BMP1: variants seen among roughly 807,000 people sequenced by gnomAD.
The protein encoded by BMP1 is mammalian tolloid protein.
BMP1 carries 63 observed loss-of-function variants against 116.8 expected under a neutral mutation model. The observed-to-expected ratio is 0.54, with a 90% CI of 0.44 to 0.67. The LOEUF is 0.67. Ranked by LOEUF, BMP1 falls within the 30% of genes least tolerant of loss-of-function variation. The pLI is 0.00. For synonymous variants in BMP1, 536 were observed against 533.4 expected (o/e 1.00, Z -0.07); for missense variants, 1,183 against 1,358.9 (o/e 0.87, Z 2.04).
rs191570531 is a variant in BMP1 at position 22,203,293 on chromosome 8, C to T, written c.2233+1365C>T. Among the ~76,000 whole-genome samples the T allele has an allele frequency of 8.5e-5, 13 of 152,224 alleles. No homozygotes were observed. The East Asian group carries it at 2.5e-3, about 29-fold the overall frequency. On this transcript the variant is annotated intron_variant, in intron 16 of 19. Transcript: ENST00000306385. ...ATGATAGGCCAGGTGCAGTGGCTCA[C>T]GCCTGTAATCCCAGTACTTTGGGAG...
chr8:22,192,301 G>A, intron 9 of BMP1, 150 bp downstream of exon 9: 2 of 630,174 alleles, frequency 3.2e-6, no homozygotes, highest in South Asian at 1.9e-5. Context: ...ATTAGTCCCA[G>A]ATAGCTGCAT....
intron 8 of BMP1, among the ~76,000 whole-genome samples, chr8:22,185,808 G>A (rs1353242784): frequency 6.8e-6 from 1 of 147,322 alleles, no homozygotes; most frequent in Non-Finnish European, 1.5e-5. Context: ...TTTTAGCAGA[G>A]ACAGGGTTTC....
chr8:22,173,497 G>A (rs917161702), intron 1 of BMP1, 105 bp from the exon 2 acceptor site: 21 of 693,226 alleles, frequency 3.0e-5, no homozygotes, highest in Admixed American at 5.4e-5. Flanking sequence ...CACAGTCGCT[G>A]TGGAGGTTGG....
At chr8:22,186,753 C>G (rs1475627353) in intron 8 of BMP1, among the ~76,000 whole-genome samples, 1 of 152,166 alleles carries the variant, frequency 6.6e-6, no homozygotes, top group African/African-American at 2.4e-5. Context: ...CGTGAGCCCC[C>G]ATGCCTGGCC....
At chr8:22,200,259 G>A (rs1395710772) in intron 15 of BMP1, among the ~76,000 whole-genome samples, 15 of 152,236 alleles carry the variant, frequency 9.9e-5, no homozygotes, top group Admixed American at 9.8e-4. Flanking sequence ...GCATGTGTGG[G>A]TCTGTGACAC....
intron 8 of BMP1, among the ~76,000 whole-genome samples, chr8:22,181,919 C>T (rs1274497315): frequency 1.3e-5 from 2 of 152,186 alleles, no homozygotes; most frequent in African/African-American, 4.8e-5. Flanking sequence ...TGCTCCAGTA[C>T]TTTCCTCAAG....
Position 22,193,068 on chromosome 8 carries a change from A to G in BMP1, c.1180+917A>G, listed in dbSNP as rs1233963861. On this transcript the variant is annotated intron_variant, in intron 9 of 19. Transcript: ENST00000306385. The stretch of plus-strand genomic sequence containing the variant: ...TGGGAGTTTCTTTTTCATAACTTAC[A>G]TTCCTGGGCCAGCACCCTCTGTCCC... 2.0e-5 allele frequency among the ~76,000 whole-genome samples: 3 copies of G among 152,172 alleles called. No homozygotes were observed. In the East Asian group the frequency reaches 5.8e-4, roughly 29 times the overall value.
intron 9 of BMP1, 77 bp downstream of exon 9, chr8:22,192,228 C>T: frequency 1.5e-6 from 2 of 1,307,568 alleles, no homozygotes; most frequent in East Asian, 4.7e-5. Flanking sequence ...TCTTCATCCC[C>T]CTCCAGGGCC....
Position 22,179,795 on chromosome 8 carries a change from C to T in BMP1, c.927C>T (p.Asp309=). 1.2e-6 allele frequency: 2 copies of T among 1,614,102 alleles called. No individual in the cohort carries two copies. Among genetic ancestry groups the T allele is most frequent in the Non-Finnish European group, 1.7e-6 (2 of 1,179,972 alleles). Residue 309 remains aspartate (D), a synonymous_variant, in exon 7 of 20, where the codon GAC becomes GAT. Coordinates refer to ENST00000306385, the MANE Select transcript of BMP1 (RefSeq NM_006129.5). This position sits in a 1 kb window ranked among gnomAD's most constrained non-coding sequence, Gnocchi z 4.6. The part of the protein sequence containing the change: ...IGQRTRLSKG[D]IAQARKLYKC... ...AAAGGACACGGCTCAGCAAGGGGGA[C>T]ATTGCCCAAGCCCGCAAGCTTTACA... is the stretch of plus-strand genomic sequence containing the variant.
chr8:22,197,171 T>A (rs1369839398), intron 14 of BMP1, 69 bp from the exon 15 acceptor site: 2 of 1,555,438 alleles, frequency 1.3e-6, no homozygotes, highest in African/African-American at 2.7e-5. Context: ...ACAGAGAGCT[T>A]CCCGAGGGCA....
intron 15 of BMP1, among the ~76,000 whole-genome samples, chr8:22,200,468 T>C (rs1829226404): frequency 6.6e-6 from 1 of 152,158 alleles, no homozygotes; most frequent in South Asian, 2.1e-4. Context: ...TGTGTATTCT[T>C]TGTATGCACC....
intron 1 of BMP1, among the ~76,000 whole-genome samples, chr8:22,167,428 G>T (rs1285244279): frequency 6.6e-6 from 1 of 152,228 alleles, no homozygotes; most frequent in Non-Finnish European, 1.5e-5. Flanking sequence ...GGTGGTGGCA[G>T]AGAAAAGTGA....
intron 18 of BMP1, 65 bp downstream of exon 18, chr8:22,207,581 G>T: frequency 1.3e-6 from 2 of 1,559,638 alleles, no homozygotes; most frequent in Non-Finnish European, 1.7e-6. Flanking sequence ...AGAGTCGGGG[G>T]TTTCAATGCG....
intron 8 of BMP1, among the ~76,000 whole-genome samples, chr8:22,186,612 A>G (rs969325800): frequency 2.1e-4 from 32 of 152,086 alleles, no homozygotes; most frequent in African/African-American, 7.5e-4. Flanking sequence ...GACTATAGGC[A>G]CGTGCCACCA....
At chr8:22,173,529 G>T (rs1157853897) in intron 1 of BMP1, 73 bp from the exon 2 acceptor site, 3 of 1,160,210 alleles carry the variant, frequency 2.6e-6, no homozygotes, top group African/African-American at 1.6e-5. Context: ...CACAGGGTTG[G>T]GGCTAGAAGC....
intron 1 of BMP1, among the ~76,000 whole-genome samples, chr8:22,171,886 ATTCG>A (rs1317647751): frequency 6.6e-6 from 1 of 152,234 alleles, no homozygotes; most frequent in Non-Finnish European, 1.5e-5. Context: ...CAATTCATTC[ATTCG>A]AACATCCCGG....
chr8:22,187,152 G>A (rs753722392), intron 8 of BMP1, among the ~76,000 whole-genome samples: 7 of 151,636 alleles, frequency 4.6e-5, no homozygotes, highest in South Asian at 2.1e-4. Flanking sequence ...CACCACACCC[G>A]GCTAATTTTT....
At chr8:22,201,580 T>TCC in intron 15 of BMP1, 2 of 1,390,632 alleles carry the variant, frequency 1.4e-6, no homozygotes, top group Non-Finnish European at 1.9e-6. Context: ...CATCCTCCTC[T>TCC]CCCCACAGCT....
intron 6 of BMP1, 86 bp downstream of exon 6, chr8:22,178,043 T>C (rs1008507825): frequency 8.8e-7 from 1 of 1,140,846 alleles, no homozygotes; most frequent in Non-Finnish European, 1.3e-6. Context: ...CTCCCACTTC[T>C]GGGGCAGTGA....
Sources: gnomAD v4.1 joint callset for allele counts (sites outside exome capture counted in the v4.1 genomes callset) on GRCh38, gnomAD v4.1.1 for gene constraint, Gnocchi (gnomAD v3.1) non-coding constraint, MANE v1.5 for transcripts, NCBI Gene and HGNC (gene_info 2026-07-23, HGNC 2026-07-21) for gene names.